Variants in CLEC6A observed in about 807,000 individuals in gnomAD.
The protein encoded by CLEC6A is C-type lectin domain family 6 member A.
A neutral mutation model predicts 25.7 loss-of-function variants in CLEC6A; 22 were observed. The observed-to-expected ratio is 0.85, with a 90% CI of 0.61 to 1.22. CLEC6A has a LOEUF of 1.22. CLEC6A is among the 50% of genes most tolerant of loss of function. The pLI, the probability that CLEC6A is intolerant of heterozygous loss-of-function variation, is 0.00. For synonymous variants in CLEC6A, 92 were observed against 76.7 expected (o/e 1.20, Z -1.04); for missense variants, 240 against 236.8 (o/e 1.01, Z -0.09).
chr12:8,473,946 T>C (rs1181020801), intron 4 of CLEC6A, among the ~76,000 whole-genome samples: 2 of 152,170 alleles, frequency 1.3e-5, no homozygotes, highest in South Asian at 2.1e-4. Flanking sequence ...TGTTCAATTG[T>C]TCAAGTTCCA....
At chr12:8,464,743 T>G (rs1457860365) in intron 3 of CLEC6A, among the ~76,000 whole-genome samples, 1 of 152,202 alleles carries the variant, frequency 6.6e-6, no homozygotes, top group Non-Finnish European at 1.5e-5. Flanking sequence ...ATCAGTGGAT[T>G]TGTATATGGC....
chr12:8,465,759 T>G, intron 4 of CLEC6A, 130 bp downstream of exon 4: 19 of 699,050 alleles, frequency 2.7e-5, no homozygotes, highest in Non-Finnish European at 3.8e-5. Context: ...AACAGATCTC[T>G]AGAACTTTTT....
chr12:8,462,685 T>C (rs995736137), intron 3 of CLEC6A, among the ~76,000 whole-genome samples: 4 of 151,902 alleles, frequency 2.6e-5, no homozygotes, highest in Non-Finnish European at 5.9e-5. Context: ...CTTATGACCC[T>C]GCCACATCCC....
At chr12:8,468,051 C>G (rs185340360) in intron 4 of CLEC6A, among the ~76,000 whole-genome samples, 1 of 152,028 alleles carries the variant, frequency 6.6e-6, no homozygotes, top group Non-Finnish European at 1.5e-5. Flanking sequence ...AAATGATTCT[C>G]CAGCCTCAGC....
chr12:8,458,000 C>G lies in CLEC6A; in HGVS notation c.121+13C>G, dbSNP rs1210761753. 6.3e-7 allele frequency: 1 copy of G among 1,581,214 alleles called. No individual in the cohort carries two copies. The highest frequency in any genetic ancestry group is 8.7e-7 in the Non-Finnish European group (1 of 1,150,194). ...GTGAGCTGTGTAGGTAAGTTCTTCA[C>G]TGAGGTGCATTTTCCTTGCTTCCTT... On this transcript the variant is annotated intron_variant, in intron 2 of 5. Transcript: ENST00000382073.
At chr12:8,470,107 T>C (rs532500062) in intron 4 of CLEC6A, among the ~76,000 whole-genome samples, 1 of 151,836 alleles carries the variant, frequency 6.6e-6, no homozygotes, top group African/African-American at 2.4e-5. Flanking sequence ...AACAATCCCA[T>C]CAAAAAGTGG....
At chr12:8,460,793 A>C (rs1016883072) in intron 3 of CLEC6A, 2 of 1,288,584 alleles carry the variant, frequency 1.6e-6, no homozygotes, top group South Asian at 2.4e-5. Context: ...AAACAAGGTT[A>C]CCTTATATAT....
intron 5 of CLEC6A, among the ~76,000 whole-genome samples, chr12:8,476,484 C>T (rs1939975873): frequency 6.6e-6 from 1 of 152,044 alleles, no homozygotes; most frequent in Non-Finnish European, 1.5e-5. Flanking sequence ...AACTGGATGT[C>T]AACTCCATGT....
chr12:8,459,467 TG>T, intron 2 of CLEC6A, 129 bp from the exon 3 acceptor site: 1 of 583,326 alleles, frequency 1.7e-6, no homozygotes, highest in Non-Finnish European at 3.1e-6. Flanking sequence ...TAATTTGGCA[TG>T]GTTTTTATGG....
intron 3 of CLEC6A, among the ~76,000 whole-genome samples, chr12:8,464,056 G>C (rs991582402): frequency 6.6e-6 from 1 of 152,154 alleles, no homozygotes; most frequent in Non-Finnish European, 1.5e-5. Context: ...CATTAATAAT[G>C]AGCAGAATGC....
chr12:8,474,565 A>T (rs1939945726), intron 4 of CLEC6A, among the ~76,000 whole-genome samples: 1 of 152,064 alleles, frequency 6.6e-6, no homozygotes, highest in African/African-American at 2.4e-5. Flanking sequence ...ATACCAGGAA[A>T]ACTTTCTTAT....
intron 3 of CLEC6A, among the ~76,000 whole-genome samples, chr12:8,464,874 C>T (rs1939810032): frequency 6.6e-6 from 1 of 152,088 alleles, no homozygotes; most frequent in Non-Finnish European, 1.5e-5. Context: ...TAATAGGTAA[C>T]ATTTATTGAG....
At chr12:8,460,828 CA>C in intron 3 of CLEC6A, 10 of 1,030,598 alleles carry the variant, frequency 9.7e-6, no homozygotes, top group Non-Finnish European at 9.2e-6. Flanking sequence ...CCCTGGTGGC[CA>C]AAAACGCCCA....
intron 4 of CLEC6A, among the ~76,000 whole-genome samples, chr12:8,474,983 A>G (rs1160583953): frequency 6.6e-6 from 1 of 152,072 alleles, no homozygotes; most frequent in Admixed American, 6.6e-5. Flanking sequence ...TGCTGCACCC[A>G]TTAACTCATC....
chr12:8,460,659 G>A, intron 3 of CLEC6A: 1 of 1,490,486 alleles, frequency 6.7e-7, no homozygotes, highest in East Asian at 2.3e-5. Context: ...GGAGAAAGAA[G>A]CAGTCTGATG....
intron 3 of CLEC6A, among the ~76,000 whole-genome samples, chr12:8,462,771 G>C (rs1033219704): frequency 3.9e-5 from 6 of 151,924 alleles, no homozygotes; most frequent in Admixed American, 1.3e-4. Context: ...TCCATATGCT[G>C]AACGCTGGTT....
At chr12:8,466,371 G>A (rs746523738) in intron 4 of CLEC6A, among the ~76,000 whole-genome samples, 11 of 152,300 alleles carry the variant, frequency 7.2e-5, no homozygotes, top group African/African-American at 2.4e-4. Flanking sequence ...ATCTTTTAGA[G>A]TTTTTGCTTT....
At chr12:8,477,258 A>T in intron 5 of CLEC6A, 62 bp from the exon 6 acceptor site, 1 of 1,387,790 alleles carries the variant, frequency 7.2e-7, no homozygotes, top group East Asian at 2.4e-5. Context: ...AGACTTTTAT[A>T]CTTTCTAATC....
At position 8,469,975 on chromosome 12, in the gene CLEC6A, TAATC is replaced by T. The variant is rs1403428643; in HGVS notation, c.369+4348_369+4351del. Among the ~76,000 whole-genome samples, 5 of 152,022 alleles carry T rather than the reference TAATC, an allele frequency of 3.3e-5. No homozygotes were observed. The East Asian group carries it at 9.6e-4, about 29-fold the overall frequency. ...AAAAAGCTTTGCACAGCAAAAGAAA[TAATC>T]AGCAGAGTAAACAGACAACACACAA... On this transcript the variant is annotated intron_variant, in intron 4 of 5. Coordinates refer to ENST00000382073, the MANE Select transcript of CLEC6A (RefSeq NM_001007033.2).
Sources: allele counts gnomAD v4.1 joint callset (sites outside exome capture counted in the v4.1 genomes callset), GRCh38; gene constraint gnomAD v4.1.1; transcripts MANE v1.5; gene names NCBI Gene and HGNC (gene_info 2026-07-23, HGNC 2026-07-21).